The following ARHGAP6 variants were observed in gnomAD, a reference collection of about 807,000 sequenced individuals.
The protein encoded by ARHGAP6 is rho GTPase-activating protein 6.
A neutral mutation model predicts 55.7 loss-of-function variants in ARHGAP6; 16 were observed. That is an observed-to-expected ratio of 0.29 (90% CI 0.19 to 0.44). ARHGAP6 has a LOEUF of 0.44. Ranked by LOEUF, ARHGAP6 falls within the 20% of genes least tolerant of loss-of-function variation. ARHGAP6 has a pLI of 1.00. For missense variants in ARHGAP6, 698 were observed against 808.9 expected (o/e 0.86, Z 1.66); for synonymous variants, 382 against 360.9 (o/e 1.06, Z -0.66).
At chrX:11,536,042 C>T (rs1275039169) in intron 1 of ARHGAP6, among the ~76,000 whole-genome samples, 1 of 111,837 alleles carries the variant, frequency 8.9e-6, no homozygotes, top group Non-Finnish European at 1.9e-5. Context: ...CTTTGCCTAT[C>T]TGACCTTAGT....
intron 1 of ARHGAP6, chrX:11,296,782 C>T: frequency 8.3e-7 from 1 of 1,210,222 alleles, no homozygotes; most frequent in East Asian, 3.0e-5. Context: ...GTAAAAGCTA[C>T]CACCTCATCC....
intron 10 of ARHGAP6, among the ~76,000 whole-genome samples, chrX:11,149,525 A>T (rs1410964058): frequency 9.0e-6 from 1 of 111,458 alleles, no homozygotes; most frequent in Non-Finnish European, 1.9e-5. Context: ...GCCAACAGCT[A>T]CCGCCACTCA....
intron 10 of ARHGAP6, among the ~76,000 whole-genome samples, chrX:11,152,685 T>A (rs1253821775): frequency 8.9e-6 from 1 of 112,032 alleles, no homozygotes; most frequent in Admixed American, 9.5e-5. Flanking sequence ...CCAAGTGGAT[T>A]CATGGTCTGG....
At position 11,401,695 on chromosome X, in the gene ARHGAP6, C is replaced by T. The variant is rs778306444; in HGVS notation, c.589-146988G>A. Among the ~76,000 whole-genome samples the T allele has an allele frequency of 2.7e-5, 3 of 111,582 alleles. 1 individual carries two copies. Among genetic ancestry groups the T allele is most frequent in the African/African-American group, 6.5e-5 (2 of 30,634 alleles). On this transcript the variant is annotated intron_variant, in intron 1 of 12. Coordinates refer to ENST00000337414, the MANE Select transcript of ARHGAP6 (RefSeq NM_013427.3). ...CTACAGGAGGGAAGCTGTGACCTAA[C>T]GGCCATTCATATGTACAGGATATTA...
At chrX:11,509,514 T>C (rs2050764647) in intron 1 of ARHGAP6, among the ~76,000 whole-genome samples, 1 of 111,923 alleles carries the variant, frequency 8.9e-6, no homozygotes, top group African/African-American at 3.2e-5. Flanking sequence ...ATGCAAACAC[T>C]GAGGCTCTGC....
At chrX:11,259,796 C>T (rs1364376614) in intron 1 of ARHGAP6, among the ~76,000 whole-genome samples, 1 of 111,482 alleles carries the variant, frequency 9.0e-6, no homozygotes, top group East Asian at 2.8e-4. Flanking sequence ...AGTTGCCCCT[C>T]TGCCCACATT....
chrX:11,412,849 A>T (rs755789854), intron 1 of ARHGAP6, among the ~76,000 whole-genome samples: 1 of 112,585 alleles, frequency 8.9e-6, no homozygotes, highest in African/African-American at 3.2e-5. Context: ...AATATATGAC[A>T]TTGAGTCATT....
rs754430044 is a variant in ARHGAP6 at position 11,161,593 on chromosome X, T to TA, written c.1810-4968dup. On this transcript the variant is annotated intron_variant, in intron 9 of 12. Transcript: ENST00000337414. ...GGGGTGTTACGGGAATCAAAAGCGC[T>TA]AAAAAAAAATGAAAATAGATTACCA... Among the ~76,000 whole-genome samples, 703 of 108,449 alleles carry TA rather than the reference T, an allele frequency of 6.5e-3. 3 individuals carry two copies. The highest frequency in any genetic ancestry group is 0.021 in the African/African-American group (631 of 29,829). 94.2% of individuals were successfully genotyped at this position (108,449 alleles called of 115,157 possible).
At chrX:11,434,801 ACTGT>A (rs2049971868) in intron 1 of ARHGAP6, among the ~76,000 whole-genome samples, 1 of 111,750 alleles carries the variant, frequency 8.9e-6, no homozygotes, top group Admixed American at 9.5e-5. Flanking sequence ...AGTCACTTAA[ACTGT>A]CTGTATCCCA....
chrX:11,211,064 A>G (rs2046787509), intron 2 of ARHGAP6, among the ~76,000 whole-genome samples: 1 of 111,899 alleles, frequency 8.9e-6, no homozygotes, highest in Non-Finnish European at 1.9e-5. Flanking sequence ...GAAGTCATTT[A>G]TTATTCAGAG....
intron 1 of ARHGAP6, among the ~76,000 whole-genome samples, chrX:11,418,736 G>A (rs1158878200): frequency 1.8e-5 from 2 of 111,630 alleles, no homozygotes; most frequent in African/African-American, 3.3e-5. Flanking sequence ...AGCACACCAC[G>A]TATGGATGGA....
intron 1 of ARHGAP6, among the ~76,000 whole-genome samples, chrX:11,330,155 G>C (rs1163544667): frequency 2.7e-5 from 3 of 113,071 alleles, no homozygotes; most frequent in Admixed American, 1.9e-4. Flanking sequence ...GGTGAGGCTG[G>C]GGGATGTCAG....
intron 1 of ARHGAP6, among the ~76,000 whole-genome samples, chrX:11,540,272 GAAA>G (rs374291177): frequency 1.6e-5 from 1 of 62,882 alleles, no homozygotes; most frequent in Non-Finnish European, 3.2e-5. Flanking sequence ...AAAAGGAAAA[GAAA>G]AAAAAAAAAA....
intron 2 of ARHGAP6, among the ~76,000 whole-genome samples, chrX:11,199,480 T>C (rs2046589214): frequency 8.9e-6 from 1 of 112,203 alleles, no homozygotes; most frequent in Non-Finnish European, 1.9e-5. Context: ...TAAAGTCTGG[T>C]TCACATTAAA....
At chrX:11,539,410 A>T (rs989326325) in intron 1 of ARHGAP6, among the ~76,000 whole-genome samples, 2 of 112,219 alleles carry the variant, frequency 1.8e-5, no homozygotes, top group African/African-American at 6.5e-5. Flanking sequence ...AACTTTCTTG[A>T]CACCATCCCC....
chrX:11,402,080 C>T (rs2049556262), intron 1 of ARHGAP6, among the ~76,000 whole-genome samples: 1 of 111,628 alleles, frequency 9.0e-6, no homozygotes, highest in Non-Finnish European at 1.9e-5. Flanking sequence ...TGATATAATA[C>T]TAAGGCTCAC....
chrX:11,353,208 TTTGATC>T (rs993493587), intron 1 of ARHGAP6, among the ~76,000 whole-genome samples: 3 of 111,684 alleles, frequency 2.7e-5, no homozygotes, highest in Non-Finnish European at 5.6e-5. Flanking sequence ...AAATTTTCAG[TTTGATC>T]AACACACAGA....
intron 1 of ARHGAP6, among the ~76,000 whole-genome samples, chrX:11,663,605 G>T (rs990079059): frequency 8.9e-6 from 1 of 111,857 alleles, no homozygotes; most frequent in Non-Finnish European, 1.9e-5. Flanking sequence ...GTTCTAAATG[G>T]AATTTAGGCA....
In ARHGAP6 at chrX:11,156,529, G is replaced by A. The variant is rs748815220; in HGVS notation, c.1907C>T (p.Ser636Leu). Residue 636 changes from serine (S) to leucine (L), a missense_variant and splice_region_variant, in exon 10 of 13, where the codon TCA (serine) becomes TTA (leucine). Transcript: ENST00000337414. ...GAAGATGGAACACTGGAATACTCAC[G>A]ATGATTGGGAAGCCTTTCTTCTGAG... ...YLLRRKASQS[S>L]SPDMLQSEVS... 4 of 1,197,967 alleles carry A rather than the reference G, an allele frequency of 3.3e-6. No homozygotes were observed. The highest frequency in any genetic ancestry group is 2.2e-5 in the Admixed American group (1 of 45,636).
Sources: allele counts gnomAD v4.1 joint callset (sites outside exome capture counted in the v4.1 genomes callset), GRCh38; gene constraint gnomAD v4.1.1; transcripts MANE v1.5; gene names NCBI Gene and HGNC (gene_info 2026-07-23, HGNC 2026-07-21).